The following FBXO4 variants were observed in gnomAD, a reference collection of about 807,000 sequenced individuals.
FBXO4 encodes F-box protein 4.
In FBXO4, 36 loss-of-function variants were observed where a neutral mutation model predicts 43.7. That is an observed-to-expected ratio of 0.82 (90% CI 0.63 to 1.09). FBXO4 has a LOEUF of 1.09. FBXO4 is among the 50% of genes least tolerant of loss of function. The pLI is 0.00. For missense variants in FBXO4, 435 were observed against 474.1 expected, an observed-to-expected ratio of 0.92 and a Z score of 0.77; for synonymous variants, 180 against 165.6, an observed-to-expected ratio of 1.09 and a Z score of -0.67.
the FBXO4 span, among the ~76,000 whole-genome samples, chr5:42,015,717 T>C: frequency 2.3e-3 from 342 of 147,540 alleles, no homozygotes; most frequent in African/African-American, 8.7e-3. Flanking sequence ...ATTGCCAGGA[T>C]TGAAAAAAAA....
chr5:42,018,390 AT>A, the FBXO4 span, among the ~76,000 whole-genome samples: 17 of 152,068 alleles, frequency 1.1e-4, no homozygotes, highest in African/African-American at 3.9e-4. Flanking sequence ...AAAAATGCTG[AT>A]AAAATATTTC....
intron 5 of FBXO4, chr5:41,934,745 T>C (rs1751806025): frequency 9.8e-7 from 1 of 1,025,478 alleles, no homozygotes. Flanking sequence ...TTTATCTTTG[T>C]TTTATCCAAA....
At chr5:42,007,671 C>T in the FBXO4 span, among the ~76,000 whole-genome samples, 2 of 152,070 alleles carry the variant, frequency 1.3e-5, no homozygotes, top group African/African-American at 2.4e-5. Flanking sequence ...AGCTAATAAA[C>T]GTTTGATTCT....
At chr5:42,024,848 A>G in the FBXO4 span, among the ~76,000 whole-genome samples, 2 of 152,034 alleles carry the variant, frequency 1.3e-5, no homozygotes, top group Admixed American at 1.3e-4. Context: ...AATGACCTCC[A>G]GTTCCATCCA....
At chr5:42,039,276 T>C in the FBXO4 span, among the ~76,000 whole-genome samples, 2 of 152,120 alleles carry the variant, frequency 1.3e-5, no homozygotes, top group African/African-American at 4.8e-5. Context: ...TTATTTGTCC[T>C]CTAGATTTGC....
chr5:42,032,525 T>C, the FBXO4 span, among the ~76,000 whole-genome samples: 1 of 152,124 alleles, frequency 6.6e-6, no homozygotes, highest in East Asian at 1.9e-4. Flanking sequence ...CTATAGACAA[T>C]GGGAACTACT....
At chr5:41,947,203 T>C in the FBXO4 span, among the ~76,000 whole-genome samples, 1 of 152,164 alleles carries the variant, frequency 6.6e-6, no homozygotes, top group African/African-American at 2.4e-5. Context: ...CCTGGAATAT[T>C]TGAGGTACAA....
Position 41,941,340 on chromosome 5 carries a change from G to A in FBXO4, c.*59G>A. On this transcript the variant is annotated 3_prime_UTR_variant, in exon 7 of 7. Transcript: ENST00000281623. ...TGAAATTTATTACTAAGGTCGTGATGTGAATATTTGCTCAGTCAGCCCACC... is the reference window on the plus strand; with the variant it reads ...TGAAATTTATTACTAAGGTCGTGATATGAATATTTGCTCAGTCAGCCCACC... The A allele has an allele frequency of 6.8e-7, 1 of 1,472,228 alleles. No homozygotes were observed. The highest frequency in any genetic ancestry group is 9.5e-7 in the Non-Finnish European group (1 of 1,054,214). The allele number at this position is 1,472,228 out of a possible 1,614,324, so 91.2% of individuals were successfully genotyped here.
At chr5:42,038,022 C>A in the FBXO4 span, among the ~76,000 whole-genome samples, 20 of 152,164 alleles carry the variant, frequency 1.3e-4, no homozygotes, top group African/African-American at 4.3e-4. Context: ...CATGGGCAAC[C>A]CTTTCAGAAT....
chr5:42,005,298 C>A, the FBXO4 span, among the ~76,000 whole-genome samples: 1 of 152,082 alleles, frequency 6.6e-6, no homozygotes, highest in Non-Finnish European at 1.5e-5. Context: ...ACTTTATTTG[C>A]TTCATAAGTA....
At chr5:41,957,637 T>C in the FBXO4 span, among the ~76,000 whole-genome samples, 1 of 151,732 alleles carries the variant, frequency 6.6e-6, no homozygotes, top group Non-Finnish European at 1.5e-5. Context: ...AAATTCCCTA[T>C]GTGTACACTT....
At chr5:42,017,249 A>T in the FBXO4 span, among the ~76,000 whole-genome samples, 1 of 152,004 alleles carries the variant, frequency 6.6e-6, no homozygotes, top group Non-Finnish European at 1.5e-5. Context: ...GAAAGAAAAA[A>T]CTTAAAAAGA....
chr5:41,941,252 G>A lies in FBXO4; in HGVS notation c.1135G>A (p.Glu379Lys), dbSNP rs1262796522. The change falls in exon 7 of 7, where the codon GAA (glutamate) becomes AAA (lysine). Residue 379 changes from glutamate to lysine, a missense_variant. By Grantham distance (56) the Glu-to-Lys change is moderately conservative. Coordinates refer to ENST00000281623, the MANE Select transcript of FBXO4 (RefSeq NM_012176.3). ...GFLNGIEWIL[E>K]EVESKRAR ...TTTGAATGGCATTGAGTGGATTCTT[G>A]AAGAAGTGGAATCTAAGCGTGCAAG... The A allele has an allele frequency of 3.1e-6, 5 of 1,613,556 alleles. No homozygotes were observed. Among genetic ancestry groups the A allele is most frequent in the Non-Finnish European group, 4.2e-6 (5 of 1,179,732 alleles).
At chr5:41,946,575 A>C (rs1220822933), downstream of FBXO4, among the ~76,000 whole-genome samples, 1 of 152,212 alleles carries the variant, frequency 6.6e-6, no homozygotes, top group Non-Finnish European at 1.5e-5. Flanking sequence ...ACTCCTAGTC[A>C]ATTAGAAACA....
At chr5:41,979,476 CA>C in the FBXO4 span, among the ~76,000 whole-genome samples, 1 of 152,178 alleles carries the variant, frequency 6.6e-6, no homozygotes, top group African/African-American at 2.4e-5. Context: ...TGTGTGTTAG[CA>C]AATGTTTAAC....
chr5:41,957,312 T>C, the FBXO4 span, among the ~76,000 whole-genome samples: 32 of 151,400 alleles, frequency 2.1e-4, no homozygotes, highest in Non-Finnish European at 4.0e-4. Context: ...TTTCTCTTTG[T>C]GTTTTAGTCT....
the FBXO4 span, among the ~76,000 whole-genome samples, chr5:41,961,047 C>T: frequency 0.08 from 12,133 of 151,932 alleles, 695 homozygotes; most frequent in African/African-American, 0.16. Context: ...CCTTACTTTA[C>T]GTGCTAATTT....
chr5:41,986,497 T>C, the FBXO4 span, among the ~76,000 whole-genome samples: 1 of 152,166 alleles, frequency 6.6e-6, no homozygotes, highest in African/African-American at 2.4e-5. Context: ...TACTATTCAC[T>C]TTCTTCCATT....
At chr5:41,996,642 G>A in the FBXO4 span, among the ~76,000 whole-genome samples, 17 of 152,170 alleles carry the variant, frequency 1.1e-4, no homozygotes, top group Non-Finnish European at 2.4e-4. Context: ...TGATAAATGC[G>A]ACAGAATAAC....
Sources: gnomAD v4.1 joint callset for allele counts (sites outside exome capture counted in the v4.1 genomes callset) on GRCh38, gnomAD v4.1.1 for gene constraint, MANE v1.5 for transcripts, NCBI Gene and HGNC (gene_info 2026-07-23, HGNC 2026-07-21) for gene names.